Variants in VCL observed in about 807,000 individuals in gnomAD.
The protein encoded by VCL is vinculin, also known as epididymis luminal protein 114.
Under a neutral mutation model 125.7 loss-of-function variants are expected in VCL, and 47 were observed. That is an observed-to-expected ratio of 0.37 (90% confidence interval 0.30 to 0.48). VCL has a LOEUF of 0.48. Ranked by LOEUF, VCL falls within the 20% of genes least tolerant of loss-of-function variation. VCL has a pLI of 0.99. For missense variants in VCL, 1,069 were observed against 1,455.5 expected (o/e 0.73, Z 4.32); for synonymous variants, 458 against 514.6 (o/e 0.89, Z 1.49).
chr10:74,040,447 A>G (rs977242616), intron 1 of VCL, among the ~76,000 whole-genome samples: 1 of 152,180 alleles, frequency 6.6e-6, no homozygotes, highest in African/African-American at 2.4e-5. Flanking sequence ...CCCCACATAT[A>G]TAAAAGGAAT....
At chr10:74,112,486 G>T (rs1283992409) in intron 19 of VCL, among the ~76,000 whole-genome samples, 1 of 152,202 alleles carries the variant, frequency 6.6e-6, no homozygotes, top group Non-Finnish European at 1.5e-5. Flanking sequence ...TGACCATTGA[G>T]CTTTGCCTGC....
intron 14 of VCL, 122 bp from the exon 15 acceptor site, chr10:74,103,698 G>A: frequency 1.1e-6 from 1 of 899,798 alleles, no homozygotes; most frequent in Non-Finnish European, 1.8e-6. Context: ...AGCCTGAAAA[G>A]AGACTTGCCA....
chr10:74,008,525 C>T (rs1179101011), intron 1 of VCL, among the ~76,000 whole-genome samples: 1 of 152,114 alleles, frequency 6.6e-6, no homozygotes, highest in Admixed American at 6.5e-5. Context: ...ATTTGGAGCC[C>T]TGCTGGTTAC....
chr10:74,049,674 G>T (rs1048532361), intron 2 of VCL, among the ~76,000 whole-genome samples: 11 of 152,164 alleles, frequency 7.2e-5, no homozygotes, highest in African/African-American at 2.7e-4. Flanking sequence ...AGGTAGGTAG[G>T]TTGGGCAATA....
intron 1 of VCL, among the ~76,000 whole-genome samples, chr10:74,033,223 C>T (rs1564513588): frequency 6.6e-6 from 1 of 152,094 alleles, no homozygotes; most frequent in South Asian, 2.1e-4. Context: ...TGATACATAG[C>T]ACAGATGAAA....
intron 2 of VCL, among the ~76,000 whole-genome samples, chr10:74,045,264 CGGATAGAT>C (rs1179038158): frequency 3.2e-5 from 4 of 123,524 alleles, no homozygotes; most frequent in African/African-American, 3.2e-5. Flanking sequence ...GACAGAGAGA[CGGATAGAT>C]AGATAGATAG....
Position 74,083,684 on chromosome 10 carries a change from CTTTA to C in VCL, c.1022+186_1022+189del, listed in dbSNP as rs199705227. On this transcript the variant is annotated intron_variant, in intron 8 of 21. Transcript: ENST00000211998. ...TGGAGGTGAACTTTCCCTTTGCTGA[CTTTA>C]TTTATTTATTTATTATTTTTTGAGA... Among the ~76,000 whole-genome samples, 3,077 of 152,072 alleles carry C rather than the reference CTTTA, an allele frequency of 0.02. 49 individuals carry two copies. Among genetic ancestry groups the C allele is most frequent in the African/African-American group, 0.035 (1,464 of 41,490 alleles).
chr10:74,107,605 C>T (rs756225722), intron 17 of VCL, among the ~76,000 whole-genome samples: 4 of 151,694 alleles, frequency 2.6e-5, no homozygotes, highest in South Asian at 2.1e-4. Context: ...TGATGGGGAG[C>T]GGCTGGAGCA....
chr10:74,085,042 T>C (rs956864760), intron 8 of VCL, among the ~76,000 whole-genome samples: 4 of 152,250 alleles, frequency 2.6e-5, no homozygotes, highest in South Asian at 4.1e-4. Flanking sequence ...CCTGAGTAGA[T>C]AGAACTATAG....
intron 1 of VCL, among the ~76,000 whole-genome samples, chr10:74,035,069 TCCTA>T (rs1463623088): frequency 6.6e-6 from 1 of 152,210 alleles, no homozygotes. Flanking sequence ...AAGAACATCT[TCCTA>T]CCACATTTTT....
intron 16 of VCL, among the ~76,000 whole-genome samples, chr10:74,105,794 A>G (rs1359526751): frequency 6.8e-6 from 1 of 146,374 alleles, no homozygotes; most frequent in Admixed American, 6.7e-5. Flanking sequence ...ACCTCAGGTG[A>G]TCCACCCGCC....
intron 10 of VCL, 95 bp downstream of exon 10, chr10:74,090,293 T>C (rs768523099): frequency 7.0e-7 from 1 of 1,426,812 alleles, no homozygotes; most frequent in Non-Finnish European, 9.8e-7. Flanking sequence ...CCCAAGAACA[T>C]ACATATTTCA....
intron 15 of VCL, among the ~76,000 whole-genome samples, chr10:74,104,649 C>G (rs926092123): frequency 6.6e-6 from 1 of 152,082 alleles, no homozygotes; most frequent in Non-Finnish European, 1.5e-5. Context: ...TCATCTTGAG[C>G]ACTACAAGCT....
intron 1 of VCL, among the ~76,000 whole-genome samples, chr10:74,032,886 GT>G: frequency 6.6e-6 from 1 of 152,184 alleles, no homozygotes; most frequent in South Asian, 2.1e-4. Context: ...AATAACAAGT[GT>G]TGCCAGGGAT....
intron 1 of VCL, among the ~76,000 whole-genome samples, chr10:74,001,168 G>A (rs146963870): frequency 6.9e-4 from 105 of 152,276 alleles, no homozygotes; most frequent in African/African-American, 2.4e-3. Context: ...TGAGAATGGC[G>A]TGTGAGAATA....
intron 17 of VCL, among the ~76,000 whole-genome samples, chr10:74,107,864 C>T (rs1220612857): frequency 6.6e-6 from 1 of 152,018 alleles, no homozygotes; most frequent in Non-Finnish European, 1.5e-5. Context: ...CCCACTACCC[C>T]CCGCAAGTAC....
rs758811315 is a variant in VCL at position 74,090,093 on chromosome 10, G to A, written c.1247G>A (p.Arg416Gln). The change falls in exon 10 of 22, where the codon CGG becomes CAG. Residue 416 changes from arginine (R) to glutamine (Q), a missense_variant. Transcript: ENST00000211998. The part of the protein sequence containing the change: ...EQIRGALAEA[R>Q]KIAELCDDPK... The stretch of plus-strand genomic sequence containing the variant: ...ATTCGAGGTGCTTTGGCTGAAGCTC[G>A]GAAAATAGCAGAATTATGTGATGAT... 2.8e-5 allele frequency: 45 copies of A among 1,614,004 alleles called. No homozygotes were observed. The highest frequency in any genetic ancestry group is 8.3e-5 in the Admixed American group (5 of 59,996).
At chr10:74,021,916 A>G (rs946685435) in intron 1 of VCL, among the ~76,000 whole-genome samples, 3 of 151,778 alleles carry the variant, frequency 2.0e-5, no homozygotes, top group African/African-American at 7.3e-5. Flanking sequence ...ACCAGTCTGG[A>G]TTAGGCTGAT....
In VCL at chr10:74,114,893, T is replaced by C; in HGVS notation, c.3252T>C (p.Ser1084=). Reference sequence around the variant, plus strand: ...GGACCAACATCAGTGATGAGGAGTCTGAGCAGGTATGTGGCAGCTGTTTTT... The same window carrying C: ...GGACCAACATCAGTGATGAGGAGTCCGAGCAGGTATGTGGCAGCTGTTTTT... The part of the protein sequence containing the change: ...LGRTNISDEE[S]EQATEMLVHN... The change falls in exon 21 of 22, where the codon TCT becomes TCC. Residue 1084 remains serine (S), a synonymous_variant. Transcript: ENST00000211998. 1 of 1,589,662 alleles carries C rather than the reference T, an allele frequency of 6.3e-7. No homozygotes were observed. The highest frequency in any genetic ancestry group is 8.6e-7 in the Non-Finnish European group (1 of 1,167,746).
Sources: allele counts gnomAD v4.1 joint callset (sites outside exome capture counted in the v4.1 genomes callset), GRCh38; gene constraint gnomAD v4.1.1; transcripts MANE v1.5; gene names NCBI Gene and HGNC (gene_info 2026-07-23, HGNC 2026-07-21).